Variants in NFRKB observed in about 807,000 individuals in gnomAD.
NFRKB encodes the protein nuclear factor related to kappa-B-binding protein.
A neutral mutation model predicts 135.7 loss-of-function variants in NFRKB; 62 were observed. That is an observed-to-expected ratio of 0.46 (90% CI 0.37 to 0.56). The LOEUF is 0.56. NFRKB is among the 20% of genes least tolerant of loss of function. The pLI is 0.00. For missense variants in NFRKB, 1,545 were observed against 1,662.0 expected (o/e 0.93, Z 1.22); for synonymous variants, 678 against 635.6 (o/e 1.07, Z -1.00).
intron 23 of NFRKB, among the ~76,000 whole-genome samples, chr11:129,870,890 A>C (rs1358014323): frequency 6.6e-6 from 1 of 152,140 alleles, no homozygotes; most frequent in Non-Finnish European, 1.5e-5. Flanking sequence ...CCTAAAAAAC[A>C]ACCAATCCTG....
chr11:129,885,162 G>C (rs1036227739), intron 6 of NFRKB, among the ~76,000 whole-genome samples: 1 of 152,174 alleles, frequency 6.6e-6, no homozygotes, highest in Non-Finnish European at 1.5e-5. Flanking sequence ...GGAGAACCCC[G>C]TCGTGCAGGG....
At chr11:129,870,592 G>T (rs1032559299) in intron 23 of NFRKB, among the ~76,000 whole-genome samples, 1 of 151,870 alleles carries the variant, frequency 6.6e-6, no homozygotes, top group Non-Finnish European at 1.5e-5. Context: ...TTTTTGAGAC[G>T]GGGTCTTGCT....
intron 2 of NFRKB, chr11:129,893,164 T>C: frequency 1.0e-6 from 1 of 961,208 alleles, no homozygotes; most frequent in Non-Finnish European, 1.4e-6. Context: ...TGAGAATAAA[T>C]GATAAACAGA....
intron 3 of NFRKB, among the ~76,000 whole-genome samples, chr11:129,890,785 G>C (rs1437854281): frequency 6.6e-6 from 1 of 152,112 alleles, no homozygotes; most frequent in Non-Finnish European, 1.5e-5. Context: ...AAACAAGCTG[G>C]CATCCCATCC....
Position 129,864,843 on chromosome 11 carries a change from A to G in NFRKB, c.3782T>C (p.Ile1261Thr), listed in dbSNP as rs1233030379. 1 of 1,614,240 alleles carries G rather than the reference A, an allele frequency of 6.2e-7. No homozygotes were observed. Residue 1261 changes from isoleucine to threonine, a missense_variant, in exon 27 of 27, where the codon ATC (isoleucine) becomes ACC (threonine). Transcript: ENST00000682444. ...GAGATGGGATGCAGGGACAGTCTGG[A>G]TGCGCACCTGTTTGCAAAGACAGAA... is the stretch of plus-strand genomic sequence containing the variant. Reference protein sequence around the residue: ...QQQGQATQVRIQTVPASHLQQ... With the variant: ...QQQGQATQVRTQTVPASHLQQ...
At chr11:129,889,360 G>A (rs1949430228) in intron 3 of NFRKB, among the ~76,000 whole-genome samples, 2 of 152,072 alleles carry the variant, frequency 1.3e-5, no homozygotes, top group African/African-American at 4.8e-5. Flanking sequence ...TTATCCAGAG[G>A]AAAATCATTT....
chr11:129,881,880 G>T, intron 11 of NFRKB, 27 bp from the exon 12 acceptor site: 1 of 1,571,460 alleles, frequency 6.4e-7, no homozygotes, highest in Non-Finnish European at 8.6e-7. Flanking sequence ...GCAGAACCCA[G>T]TCAGACTTCT....
intron 9 of NFRKB, 48 bp from the exon 10 acceptor site, chr11:129,882,679 G>C: frequency 2.6e-6 from 4 of 1,552,020 alleles, no homozygotes; most frequent in Admixed American, 3.6e-5. Flanking sequence ...CTCCTACACA[G>C]GGAAGTGAGG....
intron 3 of NFRKB, among the ~76,000 whole-genome samples, chr11:129,891,773 T>C (rs1301454555): frequency 6.6e-6 from 1 of 152,202 alleles, no homozygotes; most frequent in Non-Finnish European, 1.5e-5. Flanking sequence ...ATGTACTTCA[T>C]AAATATCAGG....
chr11:129,891,432 TAAA>T (rs1324287896), intron 3 of NFRKB, among the ~76,000 whole-genome samples: 1 of 152,168 alleles, frequency 6.6e-6, no homozygotes, highest in Non-Finnish European at 1.5e-5. Context: ...CATCTGAACA[TAAA>T]TAATGATCAG....
intron 3 of NFRKB, among the ~76,000 whole-genome samples, chr11:129,889,068 T>C (rs1949414450): frequency 6.6e-6 from 1 of 152,040 alleles, no homozygotes; most frequent in African/African-American, 2.4e-5. Flanking sequence ...CTCAAGCGAT[T>C]CTCCTACCTC....
At position 129,870,014 on chromosome 11, in the gene NFRKB, T is replaced by C; in HGVS notation, c.3011A>G (p.Lys1004Arg). Residue 1004 changes from lysine to arginine, a missense_variant, in exon 24 of 27, where the codon AAA (lysine) becomes AGA (arginine). Coordinates refer to ENST00000682444, the MANE Select transcript of NFRKB (RefSeq NM_001143835.2). ...GACGTGTAAGGTGGCAGAGATGCCT[T>C]TGCCTGTAGTGTTGCCTCCTGTCCC... ...LFGTGGNTTG[K>R]GISATLHVTS... The C allele has an allele frequency of 1.2e-6, 2 of 1,614,222 alleles. No individual in the cohort carries two copies. The highest frequency in any genetic ancestry group is 8.5e-7 in the Non-Finnish European group (1 of 1,180,032).
intron 10 of NFRKB, 108 bp downstream of exon 10, chr11:129,882,343 T>A: frequency 7.2e-7 from 1 of 1,387,490 alleles, no homozygotes; most frequent in Non-Finnish European, 9.9e-7. Flanking sequence ...GGACTTCAGG[T>A]CTACAAGTCC....
rs749382834 is a variant in NFRKB, at chr11:129,881,471, T to C, written c.1356A>G (p.Lys452=). 3.0e-5 allele frequency: 48 copies of C among 1,614,060 alleles called. 2 individuals carry two copies. The South Asian group carries it at 5.3e-4, about 18-fold the overall frequency. The stretch of plus-strand genomic sequence containing the variant: ...GCAACTTCCACTGCTGGGTTTTCTC[T>C]TTGAATTCAACAAATGGAGAGAAAC... ...PSSFSPFVEF[K]EKTQQWKLLG... The change falls in exon 13 of 27, where the codon AAA becomes AAG. Residue 452 remains lysine (K), a synonymous_variant. Transcript: ENST00000682444.
At chr11:129,893,252 C>T (rs1381933795) in intron 2 of NFRKB, 1 of 531,912 alleles carries the variant, frequency 1.9e-6, no homozygotes, top group African/African-American at 2.0e-5. Flanking sequence ...TGTTTTTTAG[C>T]AATTAATTCT....
chr11:129,892,511 C>T (rs1413487197), intron 3 of NFRKB, among the ~76,000 whole-genome samples: 2 of 151,986 alleles, frequency 1.3e-5, no homozygotes, highest in Non-Finnish European at 2.9e-5. Flanking sequence ...ATTAAACATG[C>T]GGAACGTAGC....
intron 1 of NFRKB, among the ~76,000 whole-genome samples, chr11:129,895,140 C>T (rs926835477): frequency 6.6e-6 from 1 of 152,224 alleles, no homozygotes; most frequent in African/African-American, 2.4e-5. Flanking sequence ...GCTTTCAGCA[C>T]CTGGTCTAAC....
chr11:129,877,263 TCA>T, intron 16 of NFRKB, 60 bp downstream of exon 16: 2 of 1,496,060 alleles, frequency 1.3e-6, no homozygotes, highest in Non-Finnish European at 1.9e-6. Context: ...AGAGTCAGGC[TCA>T]GAGCATCTCT....
At chr11:129,886,518 G>T in intron 4 of NFRKB, 74 bp from the exon 5 acceptor site, 1 of 1,372,496 alleles carries the variant, frequency 7.3e-7, no homozygotes, top group Non-Finnish European at 1.0e-6. Flanking sequence ...TATATTGAAT[G>T]AGTGCTTAAC....
Sources: allele counts gnomAD v4.1 joint callset (sites outside exome capture counted in the v4.1 genomes callset), GRCh38; gene constraint gnomAD v4.1.1; transcripts MANE v1.5; gene names NCBI Gene and HGNC (gene_info 2026-07-23, HGNC 2026-07-21).